The following WHR1 variants were observed in gnomAD, a reference collection of about 807,000 sequenced individuals.
The protein encoded by WHR1 is winged helix repair factor 1.
At chr6:31,976,649 G>T in the WHR1 span, among the ~76,000 whole-genome samples, 1,869 of 152,332 alleles carry the variant, frequency 0.012, 12 homozygotes, top group African/African-American at 0.019. Flanking sequence ...GGTGGCGGCC[G>T]GGCAGAGGCT....
At chr6:31,971,304 A>T in the WHR1 span, 40 of 1,538,182 alleles carry the variant, frequency 2.6e-5, no homozygotes, top group African/African-American at 4.1e-5. The surrounding 1 kb of genome is among the most constrained non-coding windows in gnomAD (Gnocchi z 4.5). Flanking sequence ...TATACTGCCT[A>T]CCACGCTTTG....
chr6:31,972,811 C>A, the WHR1 span: 47 of 1,600,342 alleles, frequency 2.9e-5, no homozygotes, highest in African/African-American at 6.0e-4. The surrounding 1 kb of genome is among the most constrained non-coding windows in gnomAD (Gnocchi z 6.3). Flanking sequence ...CCTGGAATTC[C>A]CTGTCACTCA....
the WHR1 span, chr6:31,972,629 C>A: frequency 1.9e-6 from 3 of 1,608,704 alleles, no homozygotes; most frequent in Non-Finnish European, 2.6e-6. This position sits in a 1 kb window ranked among gnomAD's most constrained non-coding sequence, Gnocchi z 6.3. Context: ...AGGGTCGGCG[C>A]GCGCGGCTGT....
At chr6:31,979,213 G>T in the WHR1 span, among the ~76,000 whole-genome samples, 2 of 117,542 alleles carry the variant, frequency 1.7e-5, no homozygotes, top group East Asian at 3.2e-4. Flanking sequence ...AGAGGAGGGG[G>T]AGGAGGAGGA....
chr6:31,979,991 T>G, the WHR1 span: 2 of 203,260 alleles, frequency 9.8e-6, no homozygotes, highest in Non-Finnish European at 2.0e-5. Flanking sequence ...GGCCTCCTAC[T>G]TTGTAACCCA....
At chr6:31,972,919 G>A in the WHR1 span, 1 of 1,146,330 alleles carries the variant, frequency 8.7e-7, no homozygotes, top group Non-Finnish European at 1.3e-6. This position sits in a 1 kb window ranked among gnomAD's most constrained non-coding sequence, Gnocchi z 6.3. Flanking sequence ...AAGTCCCGCA[G>A]GTAGTACAGG....
At chr6:31,976,420 C>T in the WHR1 span, among the ~76,000 whole-genome samples, 1 of 151,912 alleles carries the variant, frequency 6.6e-6, no homozygotes, top group Non-Finnish European at 1.5e-5. Context: ...CGCGGCCGGG[C>T]AGAGGCGCTC....
the WHR1 span, chr6:31,978,809 G>A: frequency 8.6e-7 from 1 of 1,158,380 alleles, no homozygotes; most frequent in Non-Finnish European, 1.2e-6. Context: ...CCCCCATATT[G>A]GCAAACAAAA....
chr6:31,972,323 T>A, the WHR1 span: 4 of 1,613,132 alleles, frequency 2.5e-6, no homozygotes, highest in Non-Finnish European at 3.4e-6. This position sits in a 1 kb window ranked among gnomAD's most constrained non-coding sequence, Gnocchi z 6.3. Flanking sequence ...GGGGAGACCG[T>A]ACGTCACTGC....
chr6:31,972,027 G>C, the WHR1 span: 1 of 1,609,036 alleles, frequency 6.2e-7, no homozygotes, highest in Non-Finnish European at 8.5e-7. This position sits in a 1 kb window ranked among gnomAD's most constrained non-coding sequence, Gnocchi z 6.3. Flanking sequence ...TTTCGATGAT[G>C]CAATCATTCA....
At chr6:31,974,279 C>CAA in the WHR1 span, among the ~76,000 whole-genome samples, 3,275 of 118,436 alleles carry the variant, frequency 0.028, 89 homozygotes, top group Middle Eastern at 0.081. Context: ...GACTTTGTCT[C>CAA]AAAAAAAAAA....
At chr6:31,974,579 CTAAA>C in the WHR1 span, among the ~76,000 whole-genome samples, 3 of 152,120 alleles carry the variant, frequency 2.0e-5, no homozygotes, top group Non-Finnish European at 4.4e-5. Flanking sequence ...CCCATCTCTA[CTAAA>C]TAAATAAATT....
At chr6:31,973,096 TATC>T in the WHR1 span, 37 of 551,910 alleles carry the variant, frequency 6.7e-5, no homozygotes, top group Admixed American at 1.2e-4. Context: ...TGGTAGAGAA[TATC>T]ATAGAGAGAG....
the WHR1 span, among the ~76,000 whole-genome samples, chr6:31,977,165 C>T: frequency 1.3e-5 from 2 of 151,816 alleles, no homozygotes; most frequent in African/African-American, 4.8e-5. Flanking sequence ...AAATGCCCTC[C>T]ATGTTCCAAT....
chr6:31,971,690 A>G, the WHR1 span: 13 of 1,594,882 alleles, frequency 8.2e-6, no homozygotes, highest in Non-Finnish European at 1.1e-5. The surrounding 1 kb of genome is among the most constrained non-coding windows in gnomAD (Gnocchi z 4.5). Flanking sequence ...TCCTAAGACA[A>G]GCAGGGGTAC....
At chr6:31,979,636 T>C in the WHR1 span, 3 of 1,539,592 alleles carry the variant, frequency 1.9e-6, no homozygotes, top group African/African-American at 2.8e-5. Flanking sequence ...TCCTCCTGTT[T>C]TTTTGGTGAA....
the WHR1 span, chr6:31,972,213 G>C: frequency 1.2e-6 from 2 of 1,612,694 alleles, no homozygotes; most frequent in African/African-American, 2.7e-5. The surrounding 1 kb of genome is among the most constrained non-coding windows in gnomAD (Gnocchi z 6.3). Context: ...CGGAGGTGAT[G>C]CTGGTATGTG....
the WHR1 span, among the ~76,000 whole-genome samples, chr6:31,977,445 C>T: frequency 2.0e-5 from 3 of 151,410 alleles, no homozygotes; most frequent in Non-Finnish European, 4.4e-5. Context: ...TGGGTTCACC[C>T]ATTCTCCCGC....
At chr6:31,975,954 A>G in the WHR1 span, among the ~76,000 whole-genome samples, 1 of 135,826 alleles carries the variant, frequency 7.4e-6, no homozygotes. Flanking sequence ...GGCCGGGCAG[A>G]GGGGCTCCTC....
Sources: gnomAD v4.1 joint callset for allele counts (sites outside exome capture counted in the v4.1 genomes callset) on GRCh38, gnomAD v4.1.1 for gene constraint, Gnocchi (gnomAD v3.1) non-coding constraint, MANE v1.5 for transcripts, NCBI Gene and HGNC (gene_info 2026-07-23, HGNC 2026-07-21) for gene names.